N4BP1: variants seen among roughly 807,000 people sequenced by gnomAD.
N4BP1 encodes NEDD4-binding protein 1.
N4BP1 carries 21 observed loss-of-function variants against 70.9 expected under a neutral mutation model. That is an observed-to-expected ratio of 0.30 (90% CI 0.21 to 0.43). N4BP1 has a LOEUF of 0.43. Among genes scored for constraint, N4BP1 ranks in the 20% least tolerant of loss-of-function variants. The pLI is 1.00. For synonymous variants in N4BP1, 387 were observed against 394.6 expected (o/e 0.98, Z 0.23); for missense variants, 936 against 1,069.4 (o/e 0.88, Z 1.74).
chr16:48,558,280 ACAAT>A (rs1214127701), intron 2 of N4BP1, among the ~76,000 whole-genome samples: 2 of 148,312 alleles, frequency 1.3e-5, no homozygotes, highest in Non-Finnish European at 3.0e-5. Context: ...TCCTCCCAAA[ACAAT>A]CAGTTTTCCA....
chr16:48,610,122 G>A lies in N4BP1; in HGVS notation c.-150C>T. 4.4e-6 allele frequency: 1 copy of A among 226,312 alleles called. No individual in the cohort carries two copies. Among genetic ancestry groups the A allele is most frequent in the Non-Finnish European group, 7.4e-6 (1 of 134,928 alleles). 14.0% of individuals were successfully genotyped at this position (226,312 alleles called of 1,614,324 possible). A position where few individuals can be genotyped will look rare whatever the true frequency, so the allele number is the denominator to read the frequency against. On this transcript the variant is annotated 5_prime_UTR_variant, in exon 1 of 7. Coordinates refer to ENST00000262384, the MANE Select transcript of N4BP1 (RefSeq NM_153029.4). ...CGCCCCGCCGCCCGCCCTCAGGCCC[G>A]GCTATACCATCCCGCCACGACCGCA...
At chr16:48,588,700 T>G (rs543921402) in intron 1 of N4BP1, among the ~76,000 whole-genome samples, 7 of 152,292 alleles carry the variant, frequency 4.6e-5, no homozygotes, top group African/African-American at 1.4e-4. Context: ...CCTACAGCTG[T>G]ACTATCCAAA....
rs193248322 is a variant in N4BP1, at chr16:48,588,380, C to T, written c.198+21395G>A. On this transcript the variant is annotated intron_variant, in intron 1 of 6. Transcript: ENST00000262384. ...CAGGATCTTGGCTCATGGCAACCTT[C>T]GCCTCTCAGGTTCAAGTGATTCTCC... 2.9e-3 allele frequency among the ~76,000 whole-genome samples: 441 copies of T among 150,400 alleles called. 1 individual carries two copies. The highest frequency in any genetic ancestry group is 5.3e-3 in the Non-Finnish European group (358 of 67,804).
chr16:48,569,833 G>C (rs868238608), intron 1 of N4BP1, among the ~76,000 whole-genome samples: 4 of 152,086 alleles, frequency 2.6e-5, no homozygotes, highest in African/African-American at 9.7e-5. Flanking sequence ...GTGTACCTTG[G>C]GGATGAGCCA....
chr16:48,605,251 G>A (rs1825684), intron 1 of N4BP1, among the ~76,000 whole-genome samples: 26,316 of 151,918 alleles, frequency 0.17, 3,104 homozygotes, highest in East Asian at 0.66. Flanking sequence ...GGCTGGTCTC[G>A]AACTCCCGAC....
chr16:48,579,676 T>C (rs1235045912), intron 1 of N4BP1, among the ~76,000 whole-genome samples: 4 of 137,212 alleles, frequency 2.9e-5, no homozygotes, highest in Non-Finnish European at 4.7e-5. Flanking sequence ...AAAAGAAAAA[T>C]GACAAAAAAA....
At position 48,561,434 on chromosome 16, in the gene N4BP1, A is replaced by G. The variant is rs958776355; in HGVS notation, c.1209T>C (p.Tyr403=). 1 of 1,613,794 alleles carries G rather than the reference A, an allele frequency of 6.2e-7. No homozygotes were observed. The highest frequency in any genetic ancestry group is 1.7e-5 in the Admixed American group (1 of 59,980). ...EDREFSAGTV[Y]PETNKTKNKG... The stretch of plus-strand genomic sequence containing the variant: ...TATTTTTGGTTTTGTTGGTCTCTGG[A>G]TACACTGTACCAGCTGAAAATTCTC... Residue 403 remains tyrosine, a synonymous_variant, in exon 2 of 7, where the codon TAT becomes TAC. Coordinates refer to ENST00000262384, the MANE Select transcript of N4BP1 (RefSeq NM_153029.4).
chr16:48,598,836 G>A (rs921544731), intron 1 of N4BP1, among the ~76,000 whole-genome samples: 1 of 152,080 alleles, frequency 6.6e-6, no homozygotes, highest in Admixed American at 6.6e-5. Flanking sequence ...GGAGTCCTAT[G>A]ATCCATTGGC....
At chr16:48,575,512 G>A (rs751998882) in intron 1 of N4BP1, among the ~76,000 whole-genome samples, 1 of 152,054 alleles carries the variant, frequency 6.6e-6, no homozygotes, top group African/African-American at 2.4e-5. Flanking sequence ...AGGAGTTCCC[G>A]GCAACTTCTA....
intron 1 of N4BP1, 117 bp from the exon 2 acceptor site, chr16:48,562,561 T>C: frequency 1.2e-6 from 1 of 842,126 alleles, no homozygotes; most frequent in Non-Finnish European, 1.8e-6. Context: ...AGCATGTTTG[T>C]AATTTTGAAC....
chr16:48,587,969 T>C (rs74655108), intron 1 of N4BP1, among the ~76,000 whole-genome samples: 1 of 145,018 alleles, frequency 6.9e-6, no homozygotes, highest in East Asian at 2.0e-4. Flanking sequence ...GTTTTCTTGA[T>C]TTTTTTTTTT....
At chr16:48,553,910 T>C (rs534208723) in intron 2 of N4BP1, among the ~76,000 whole-genome samples, 3 of 152,288 alleles carry the variant, frequency 2.0e-5, no homozygotes, top group Non-Finnish European at 4.4e-5. Flanking sequence ...GGGTGTGTTG[T>C]TATGATAGAA....
chr16:48,546,027 CA>C (rs200705090), intron 6 of N4BP1, 119 bp downstream of exon 6: 46,849 of 477,518 alleles, frequency 0.098, no homozygotes, highest in South Asian at 0.13. Context: ...GACCTTGTCT[CA>C]AAAAAAAAAA....
At chr16:48,554,426 C>A (rs1480003303) in intron 2 of N4BP1, among the ~76,000 whole-genome samples, 2 of 152,148 alleles carry the variant, frequency 1.3e-5, no homozygotes, top group Non-Finnish European at 2.9e-5. Context: ...AAAATGCCCA[C>A]CCCTCCATCC....
chr16:48,542,466 T>C lies in N4BP1; in HGVS notation c.*438A>G, dbSNP rs2151083604. 6.5e-6 allele frequency: 1 copy of C among 153,336 alleles called. No individual in the cohort carries two copies. The highest frequency in any genetic ancestry group is 1.5e-5 in the Non-Finnish European group (1 of 68,494). 9.5% of individuals were successfully genotyped at this position (153,336 alleles called of 1,614,324 possible). Reference sequence around the variant, plus strand: ...GGGTGAGCACACTTCATGGTAGTGATGGGACATACTCATCTCAAGAAAATA... The same window carrying C: ...GGGTGAGCACACTTCATGGTAGTGACGGGACATACTCATCTCAAGAAAATA... On this transcript the variant is annotated 3_prime_UTR_variant, in exon 7 of 7. Coordinates refer to ENST00000262384, the MANE Select transcript of N4BP1 (RefSeq NM_153029.4).
intron 1 of N4BP1, among the ~76,000 whole-genome samples, chr16:48,591,704 C>A (rs1421698497): frequency 7.0e-6 from 1 of 142,864 alleles, no homozygotes; most frequent in Non-Finnish European, 1.5e-5. Flanking sequence ...TCTCAGTCAA[C>A]TGAATTATTT....
At chr16:48,581,421 G>A (rs1019996284) in intron 1 of N4BP1, among the ~76,000 whole-genome samples, 2 of 152,062 alleles carry the variant, frequency 1.3e-5, no homozygotes, top group Non-Finnish European at 2.9e-5. Flanking sequence ...AATTAGGCAA[G>A]AGAAATATAA....
intron 1 of N4BP1, among the ~76,000 whole-genome samples, chr16:48,564,822 G>A (rs989936634): frequency 9.9e-5 from 15 of 152,236 alleles, no homozygotes; most frequent in African/African-American, 3.4e-4. Context: ...CATTTATTTA[G>A]ATTTCATTTG....
chr16:48,594,027 A>AAC, intron 1 of N4BP1, among the ~76,000 whole-genome samples: 1 of 151,618 alleles, frequency 6.6e-6, no homozygotes, highest in Non-Finnish European at 1.5e-5. Context: ...AACAAAAAAA[A>AAC]AACCACCTAG....
Sources: gnomAD v4.1 joint callset for allele counts (sites outside exome capture counted in the v4.1 genomes callset) on GRCh38, gnomAD v4.1.1 for gene constraint, MANE v1.5 for transcripts, NCBI Gene and HGNC (gene_info 2026-07-23, HGNC 2026-07-21) for gene names.